The following TRIP10 variants were observed in gnomAD, a reference collection of about 807,000 sequenced individuals.
TRIP10 encodes thyroid hormone receptor interactor 10, also known as cdc42-interacting protein 4.
Under a neutral mutation model 80.9 loss-of-function variants are expected in TRIP10, and 54 were observed. That is an observed-to-expected ratio of 0.67 (90% CI 0.54 to 0.84). The LOEUF (loss-of-function observed/expected upper bound fraction) is 0.84. Ranked by LOEUF, TRIP10 falls within the 40% of genes least tolerant of loss-of-function variation. TRIP10 has a pLI of 0.00. For missense variants in TRIP10, 773 were observed against 815.3 expected, an observed-to-expected ratio of 0.95 and a Z score of 0.63; for synonymous variants, 321 against 307.2, an observed-to-expected ratio of 1.04 and a Z score of -0.47.
At chr19:6,741,178 G>C (rs368513356) in intron 2 of TRIP10, 47 bp from the exon 3 acceptor site, 28 of 1,613,492 alleles carry the variant, frequency 1.7e-5, no homozygotes, top group Non-Finnish European at 2.2e-5. Context: ...GACGGGGAGC[G>C]GTGGGAGGGC....
At chr19:6,741,722 A>G (rs137945523) in intron 3 of TRIP10, among the ~76,000 whole-genome samples, 17 of 152,306 alleles carry the variant, frequency 1.1e-4, no homozygotes, top group Non-Finnish European at 2.2e-4. Context: ...CTTGGAATTG[A>G]GTCCCCAATT....
chr19:6,744,976 T>A lies in TRIP10; in HGVS notation c.966T>A (p.Pro322=). The A allele has an allele frequency of 6.2e-7, 1 of 1,613,356 alleles. No individual in the cohort carries two copies. Among genetic ancestry groups the A allele is most frequent in the Non-Finnish European group, 8.5e-7 (1 of 1,179,712 alleles). ...GTCGCAGCCGCACCAAGCGCTGGCC[T>A]TTTGGCAAGAAGAACAAGGTGGGGG... The part of the protein sequence containing the change: ...GPGRSRTKRW[P]FGKKNKPRPP... The change falls in exon 9 of 15, where the codon CCT becomes CCA. Residue 322 remains proline (P), a synonymous_variant. Transcript: ENST00000313244. The surrounding 1 kb of genome is among the most constrained non-coding windows in gnomAD (Gnocchi z 4.9).
rs371607130 is a variant in TRIP10, at chr19:6,741,141, G to A, written c.140+16G>A. 5.9e-5 allele frequency: 95 copies of A among 1,613,956 alleles called. No homozygotes were observed. The African/African-American group carries it at 1.0e-3, about 17-fold the overall frequency. ...AACAACTGCGGTGAGACCCTGGGGTGGACGCTACGGAGGACGCGCCTGGGG... is the reference window on the plus strand; with the variant it reads ...AACAACTGCGGTGAGACCCTGGGGTAGACGCTACGGAGGACGCGCCTGGGG... On this transcript the variant is annotated intron_variant, in intron 2 of 14. Transcript: ENST00000313244.
chr19:6,748,357 C>A (rs1379790626), intron 11 of TRIP10: 1 of 152,274 alleles, frequency 6.6e-6, no homozygotes, highest in African/African-American at 2.4e-5. Context: ...TCCTGAGTTT[C>A]TACGGTGGAG....
At chr19:6,740,873 G>C (rs1968895214) in intron 1 of TRIP10, 137 bp from the exon 2 acceptor site, 1 of 692,830 alleles carries the variant, frequency 1.4e-6, no homozygotes, top group Non-Finnish European at 2.4e-6. Context: ...GCGCCACGCC[G>C]GGGCGGCGCC....
In TRIP10 at chr19:6,739,722, CG is replaced by C. The variant is rs1568247564; in HGVS notation, c.-37del. The C allele has an allele frequency of 7.6e-7, 1 of 1,319,686 alleles. No individual in the cohort carries two copies. Among genetic ancestry groups the C allele is most frequent in the Non-Finnish European group, 9.7e-7 (1 of 1,029,958 alleles). 81.7% of individuals were successfully genotyped at this position (1,319,686 alleles called of 1,614,324 possible). A position where few individuals can be genotyped will look rare whatever the true frequency, so the allele number is the denominator to read the frequency against. On this transcript the variant is annotated 5_prime_UTR_variant, in exon 1 of 15. Transcript: ENST00000313244. ...GCGGCGGGCGGCGGGCGGCGGGGAC[CG>C]GGTGCGGTGGTGGCTGCGGCGGCGG...
In TRIP10 at chr19:6,744,032, TTTAC is replaced by T. The variant is rs1300911778; in HGVS notation, c.642+199_642+202del. On this transcript the variant is annotated intron_variant, in intron 7 of 14. Transcript: ENST00000313244. This position sits in a 1 kb window ranked among gnomAD's most constrained non-coding sequence, Gnocchi z 4.9. ...GGCATGCCTTTTACTTGTTTGTTTA[TTTAC>T]TTCTATAGAGAGATGGGGCCTGGCT... 7.8e-6 allele frequency: 6 copies of T among 772,978 alleles called. No individual in the cohort carries two copies. The highest frequency in any genetic ancestry group is 1.0e-5 in the Non-Finnish European group (5 of 494,740). The allele number at this position is 772,978 out of a possible 1,614,324, so 47.9% of individuals were successfully genotyped here. A position where few individuals can be genotyped will look rare whatever the true frequency, so the allele number is the denominator to read the frequency against.
chr19:6,741,013 C>G lies in TRIP10; in HGVS notation c.28C>G (p.Gln10Glu). 7 of 1,613,084 alleles carry G rather than the reference C, an allele frequency of 4.3e-6. No homozygotes were observed. The highest frequency in any genetic ancestry group is 3.4e-6 in the Non-Finnish European group (4 of 1,179,356). Residue 10 changes from glutamine to glutamate, a missense_variant, in exon 2 of 15, where the codon CAG becomes GAG. Gln to Glu is a conservative substitution (Grantham distance 29). Coordinates refer to ENST00000313244, the MANE Select transcript of TRIP10 (RefSeq NM_001288962.2). MDWGTELWD[Q>E]FEVLERHTQW... is the part of the protein sequence containing the mutation. ...CCCCCACCATGTCCCATGTCAGGAT[C>G]AGTTCGAGGTGCTCGAGCGCCACAC...
Position 6,746,101 on chromosome 19 carries a change from C to G in TRIP10, c.1057C>G (p.Arg353Gly), listed in dbSNP as rs778416697. 60 of 1,545,042 alleles carry G rather than the reference C, an allele frequency of 3.9e-5. No homozygotes were observed. In the East Asian group the frequency reaches 4.7e-4, roughly 12 times the overall value. ...ATTGCCTAACGGACCCCCGTCCCCC[C>G]GCTCCGGCCGTGACCCCTTGGCCAT... ...SALPNGPPSPRSGRDPLAILS... is the reference protein window; with the variant it reads ...SALPNGPPSPGSGRDPLAILS... Residue 353 changes from arginine to glycine, a missense_variant, in exon 10 of 15, where the codon CGC (arginine) becomes GGC (glycine). Transcript: ENST00000313244. The surrounding 1 kb of genome is among the most constrained non-coding windows in gnomAD (Gnocchi z 6.2).
Position 6,744,296 on chromosome 19 carries a change from A to G in TRIP10, c.643-258A>G, listed in dbSNP as rs1969029537. Among the ~76,000 whole-genome samples the G allele has an allele frequency of 6.6e-6, 1 of 151,772 alleles. No homozygotes were observed. Among genetic ancestry groups the G allele is most frequent in the Admixed American group, 6.6e-5 (1 of 15,246 alleles). ...AGGGCTGGTTCTGCTTTTTCTTCAAATCCCTGTTCCCTTGTCTCCTCCTTT... is the reference window on the plus strand; with the variant it reads ...AGGGCTGGTTCTGCTTTTTCTTCAAGTCCCTGTTCCCTTGTCTCCTCCTTT... On this transcript the variant is annotated intron_variant, in intron 7 of 14. Coordinates refer to ENST00000313244, the MANE Select transcript of TRIP10 (RefSeq NM_001288962.2). The surrounding 1 kb of genome is among the most constrained non-coding windows in gnomAD (Gnocchi z 4.9).
chr19:6,743,626 T>TGGGGGGGGGGGGGGGGGGGGGAGG, intron 6 of TRIP10, 28 bp downstream of exon 6: 1 of 850,376 alleles, frequency 1.2e-6, no homozygotes, highest in Admixed American at 3.0e-5. Context: ...GGGGGGGGGG[T>TGGGGGGGGGGGGGGGGGGGGGAGG]GCGGGGTCTG....
intron 14 of TRIP10, 129 bp from the exon 15 acceptor site, chr19:6,750,934 G>A: frequency 1.5e-6 from 2 of 1,343,218 alleles, no homozygotes; most frequent in Non-Finnish European, 2.0e-6. Context: ...GGCAGAGGTT[G>A]CAGGGAGCCA....
chr19:6,750,001 G>A lies in TRIP10; in HGVS notation c.1330G>A (p.Glu444Lys), dbSNP rs1204250693. ...TCAGATGGGGGACCCCGCCAGCTTG[G>A]AGCCCCAGATCGCTGAAACCCTGAG... is the stretch of plus-strand genomic sequence containing the variant. ...TPQMGDPASL[E>K]PQIAETLSNI... The change falls in exon 12 of 15, where the codon GAG (glutamate) becomes AAG (lysine). Residue 444 changes from glutamate to lysine, a missense_variant. Transcript: ENST00000313244. 2 of 1,613,906 alleles carry A rather than the reference G, an allele frequency of 1.2e-6. No individual in the cohort carries two copies. Among genetic ancestry groups the A allele is most frequent in the Non-Finnish European group, 8.5e-7 (1 of 1,179,962 alleles).
chr19:6,744,437 C>G lies in TRIP10; in HGVS notation c.643-117C>G. ...TCTCTTCCCGACTCTGTCTTCCCCTCCAGACTGGCTTGGGGCTGGGGCCAG... is the reference window on the plus strand; with the variant it reads ...TCTCTTCCCGACTCTGTCTTCCCCTGCAGACTGGCTTGGGGCTGGGGCCAG... On this transcript the variant is annotated intron_variant, in intron 7 of 14. Coordinates refer to ENST00000313244, the MANE Select transcript of TRIP10 (RefSeq NM_001288962.2). The surrounding 1 kb of genome is among the most constrained non-coding windows in gnomAD (Gnocchi z 4.9). 1 of 1,450,822 alleles carries G rather than the reference C, an allele frequency of 6.9e-7. No individual in the cohort carries two copies. The highest frequency in any genetic ancestry group is 9.4e-7 in the Non-Finnish European group (1 of 1,061,700). 89.9% of individuals were successfully genotyped at this position (1,450,822 alleles called of 1,614,324 possible).
In TRIP10 at chr19:6,739,812, T is replaced by C. The variant is rs1468993612; in HGVS notation, c.24+27T>C. 4 of 1,451,176 alleles carry C rather than the reference T, an allele frequency of 2.8e-6. No individual in the cohort carries two copies. In the South Asian group the frequency reaches 6.1e-5, roughly 22 times the overall value. 89.9% of individuals were successfully genotyped at this position (1,451,176 alleles called of 1,614,324 possible). On this transcript the variant is annotated intron_variant, in intron 1 of 14. Coordinates refer to ENST00000313244, the MANE Select transcript of TRIP10 (RefSeq NM_001288962.2). ...TAAGTCCAATCGGCCCGCCTCTAAG[T>C]TCCCCTTTGCTGGGGTCCAGGCACC... is the stretch of plus-strand genomic sequence containing the variant.
chr19:6,748,747 T>G (rs910808775), intron 11 of TRIP10: 1 of 152,138 alleles, frequency 6.6e-6, no homozygotes, highest in African/African-American at 2.4e-5. Context: ...GAGCCGAGAT[T>G]GCGCCACTGC....
At position 6,750,368 on chromosome 19, in the gene TRIP10, A is replaced by C; in HGVS notation, c.1472A>C (p.Asp491Ala). The C allele has an allele frequency of 1.2e-6, 2 of 1,613,410 alleles. No individual in the cohort carries two copies. Among genetic ancestry groups the C allele is most frequent in the Non-Finnish European group, 8.5e-7 (1 of 1,179,856 alleles). The change falls in exon 13 of 15, where the codon GAC becomes GCC. Residue 491 changes from aspartate to alanine, a missense_variant. Coordinates refer to ENST00000313244, the MANE Select transcript of TRIP10 (RefSeq NM_001288962.2). ...CTGAGCCGGCACGCCCGGCCTCCCG[A>C]CCCCCCCGCTAGCGCCCCGCCAGAC... ...DSLSRHARPPDPPASAPPDSS... is the reference protein window; with the variant it reads ...DSLSRHARPPAPPASAPPDSS...
chr19:6,747,216 T>G (rs1252300381), intron 11 of TRIP10, among the ~76,000 whole-genome samples: 1 of 152,018 alleles, frequency 6.6e-6, no homozygotes, highest in African/African-American at 2.4e-5. Flanking sequence ...CCCAGCCACT[T>G]GGGAGGCTGA....
chr19:6,745,143 A>C lies in TRIP10; in HGVS notation c.984+149A>C. The C allele has an allele frequency of 8.8e-7, 1 of 1,140,082 alleles. No homozygotes were observed. The highest frequency in any genetic ancestry group is 1.2e-6 in the Non-Finnish European group (1 of 852,104). 70.6% of individuals were successfully genotyped at this position (1,140,082 alleles called of 1,614,324 possible). A position where few individuals can be genotyped will look rare whatever the true frequency, so the allele number is the denominator to read the frequency against. On this transcript the variant is annotated intron_variant, in intron 9 of 14. Coordinates refer to ENST00000313244, the MANE Select transcript of TRIP10 (RefSeq NM_001288962.2). This position sits in a 1 kb window ranked among gnomAD's most constrained non-coding sequence, Gnocchi z 7.2. ...TGCCAGCCCGGACTGGAGGGAAGGA[A>C]GGCGGCCGATTGGCCTGGGAGTCCC... is the stretch of plus-strand genomic sequence containing the variant.
Sources: allele counts gnomAD v4.1 joint callset (sites outside exome capture counted in the v4.1 genomes callset), GRCh38; gene constraint gnomAD v4.1.1; non-coding constraint Gnocchi (gnomAD v3.1); transcripts MANE v1.5; gene names NCBI Gene and HGNC (gene_info 2026-07-23, HGNC 2026-07-21).